GABRB2: variants seen among roughly 807,000 people sequenced by gnomAD.
GABRB2 encodes gamma-aminobutyric acid type A receptor subunit beta2.
A neutral mutation model predicts 54.7 loss-of-function variants in GABRB2; 16 were observed. That is an observed-to-expected ratio of 0.29 (90% CI 0.20 to 0.44). GABRB2 has a LOEUF of 0.44. Among genes scored for constraint, GABRB2 ranks in the 20% least tolerant of loss-of-function variants. The probability of loss-of-function intolerance (pLI) is 1.00; values close to 1 mark genes in which losing one functional copy is unlikely to be tolerated. For synonymous variants in GABRB2, 244 were observed against 233.8 expected, an observed-to-expected ratio of 1.04 and a Z score of -0.40; for missense variants, 355 against 644.0, an observed-to-expected ratio of 0.55 and a Z score of 4.86.
intron 4 of GABRB2, 24 bp downstream of exon 4, chr5:161,459,600 T>A: frequency 6.3e-7 from 1 of 1,581,984 alleles, no homozygotes; most frequent in Admixed American, 1.7e-5. Context: ...GGAAAAGTTA[T>A]ATTTTGAATT....
chr5:161,497,893 G>A (rs1481891233), intron 3 of GABRB2, among the ~76,000 whole-genome samples: 1 of 152,114 alleles, frequency 6.6e-6, no homozygotes, highest in Non-Finnish European at 1.5e-5. Context: ...TTGGAGTGCA[G>A]CTGTCACTTG....
intron 3 of GABRB2, among the ~76,000 whole-genome samples, chr5:161,542,755 A>G (rs1760859836): frequency 6.6e-6 from 1 of 152,230 alleles, no homozygotes; most frequent in South Asian, 2.1e-4. Context: ...AATGAGGGAT[A>G]AATGTGTCTG....
intron 9 of GABRB2, among the ~76,000 whole-genome samples, chr5:161,315,994 A>G (rs2113372252): frequency 6.6e-6 from 1 of 152,326 alleles, no homozygotes; most frequent in African/African-American, 2.4e-5. Flanking sequence ...AGTAAGATGT[A>G]TACTCTTTGT....
intron 5 of GABRB2, among the ~76,000 whole-genome samples, chr5:161,398,721 C>T (rs1466061163): frequency 6.6e-6 from 1 of 151,714 alleles, no homozygotes; most frequent in Non-Finnish European, 1.5e-5. Flanking sequence ...GACAGAGTCT[C>T]GCTCTGTTGC....
intron 3 of GABRB2, among the ~76,000 whole-genome samples, chr5:161,541,713 G>A (rs1174638159): frequency 1.3e-5 from 2 of 152,142 alleles, no homozygotes; most frequent in Non-Finnish European, 1.5e-5. Flanking sequence ...TGGTAATCTG[G>A]CTTTGTCTCT....
At chr5:161,448,758 G>A (rs1343572653) in intron 4 of GABRB2, among the ~76,000 whole-genome samples, 1 of 152,124 alleles carries the variant, frequency 6.6e-6, no homozygotes, top group African/African-American at 2.4e-5. Flanking sequence ...TCAGAAAAGT[G>A]TAACAAAATG....
chr5:161,539,679 T>A (rs1232615098), intron 3 of GABRB2, among the ~76,000 whole-genome samples: 1 of 152,172 alleles, frequency 6.6e-6, no homozygotes, highest in African/African-American at 2.4e-5. Flanking sequence ...TCATTAAGTA[T>A]GTTCATAGAC....
intron 4 of GABRB2, among the ~76,000 whole-genome samples, chr5:161,434,972 T>C (rs188997934): frequency 6.6e-6 from 1 of 152,276 alleles, no homozygotes; most frequent in East Asian, 1.9e-4. Context: ...CCCAGCTGGG[T>C]CAGAAGTCAG....
At chr5:161,315,739 C>T (rs1561604710) in intron 9 of GABRB2, among the ~76,000 whole-genome samples, 2 of 152,120 alleles carry the variant, frequency 1.3e-5, no homozygotes, top group East Asian at 3.9e-4. Flanking sequence ...GTGTAATTAT[C>T]AAGTCAGAGA....
At chr5:161,540,253 A>G (rs1266035563) in intron 3 of GABRB2, among the ~76,000 whole-genome samples, 2 of 152,222 alleles carry the variant, frequency 1.3e-5, no homozygotes, top group Non-Finnish European at 2.9e-5. Context: ...AACAATGTTC[A>G]CAGCGTCTTC....
intron 4 of GABRB2, among the ~76,000 whole-genome samples, chr5:161,418,127 C>T (rs779682748): frequency 3.2e-4 from 49 of 152,146 alleles, no homozygotes; most frequent in South Asian, 8.3e-4. Context: ...CAAATTCAGG[C>T]ACTATTATGA....
chr5:161,533,719 AATGTGCTCATATGTTTGC>A (rs1443041034), intron 3 of GABRB2, among the ~76,000 whole-genome samples: 4 of 152,156 alleles, frequency 2.6e-5, no homozygotes, highest in African/African-American at 9.6e-5. Context: ...TGTAATTATC[AATGTGCTCATATGTTTGC>A]ATATGTTGTA....
intron 3 of GABRB2, among the ~76,000 whole-genome samples, chr5:161,506,585 T>C (rs186270824): frequency 1.1e-3 from 170 of 152,286 alleles, no homozygotes; most frequent in African/African-American, 4.0e-3. Context: ...ATATTATCTA[T>C]GGCTATTGTC....
rs923953039 is a variant in GABRB2, at chr5:161,389,786, T to C, written c.541+21189A>G. ...CTAGGATACATCTCAAAGGTAATAT[T>C]TTACATGGGTTTCTCTCAGAGGAGG... On this transcript the variant is annotated intron_variant, in intron 5 of 9. Coordinates refer to ENST00000393959, the MANE Select transcript of GABRB2 (RefSeq NM_001371727.1). 1.2e-4 allele frequency among the ~76,000 whole-genome samples: 18 copies of C among 152,060 alleles called. No homozygotes were observed. The East Asian group carries it at 3.5e-3, about 29-fold the overall frequency.
intron 3 of GABRB2, among the ~76,000 whole-genome samples, chr5:161,488,699 A>G (rs1393621585): frequency 2.0e-5 from 3 of 151,806 alleles, no homozygotes; most frequent in African/African-American, 7.2e-5. Flanking sequence ...AATCCATTCA[A>G]TAGTCACTAC....
intron 3 of GABRB2, among the ~76,000 whole-genome samples, chr5:161,470,789 A>C (rs1758414471): frequency 6.6e-6 from 1 of 151,974 alleles, no homozygotes; most frequent in African/African-American, 2.4e-5. Flanking sequence ...CGGTAACTTA[A>C]ACCATGGAAA....
chr5:161,508,151 T>C (rs1347430502), intron 3 of GABRB2, among the ~76,000 whole-genome samples: 1 of 151,782 alleles, frequency 6.6e-6, no homozygotes, highest in Non-Finnish European at 1.5e-5. Context: ...ATAGGTACTA[T>C]ACTAAGAGAT....
At chr5:161,467,895 C>T (rs1027263657) in intron 3 of GABRB2, among the ~76,000 whole-genome samples, 14 of 152,076 alleles carry the variant, frequency 9.2e-5, no homozygotes, top group East Asian at 1.9e-4. Context: ...TTGCCTCTTA[C>T]GTGGTATAAA....
chr5:161,350,787 C>T (rs1754451999), intron 5 of GABRB2, among the ~76,000 whole-genome samples: 1 of 152,070 alleles, frequency 6.6e-6, no homozygotes, highest in South Asian at 2.1e-4. Context: ...TTCTGGTCTC[C>T]ATCTTTCTCC....
Sources: gnomAD v4.1 joint callset for allele counts (sites outside exome capture counted in the v4.1 genomes callset) on GRCh38, gnomAD v4.1.1 for gene constraint, MANE v1.5 for transcripts, NCBI Gene and HGNC (gene_info 2026-07-23, HGNC 2026-07-21) for gene names.